The following MROH2A variants were observed in gnomAD, a reference collection of about 807,000 sequenced individuals.
MROH2A encodes maestro heat like repeat family member 2A, also known as maestro heat-like repeat-containing protein family member 2A.
MROH2A carries 174 observed loss-of-function variants against 200.4 expected under a neutral mutation model. The observed-to-expected ratio is 0.87, with a 90% CI of 0.77 to 0.98. The LOEUF (loss-of-function observed/expected upper bound fraction) is 0.98, where lower values mean the gene tolerates loss of function less well. Ranked by LOEUF, MROH2A falls within the 50% of genes least tolerant of loss-of-function variation. The probability of loss-of-function intolerance (pLI) is 0.00; values close to 1 mark genes in which losing one functional copy is unlikely to be tolerated. For missense variants in MROH2A, 2,045 were observed against 2,139.6 expected, an observed-to-expected ratio of 0.96 and a Z score of 0.87; for synonymous variants, 829 against 840.4, an observed-to-expected ratio of 0.99 and a Z score of 0.23.
chr2:233,789,836 C>G lies in MROH2A; in HGVS notation c.409-16C>G. On this transcript the variant is annotated splice_polypyrimidine_tract_variant and intron_variant, in intron 4 of 41. Coordinates refer to ENST00000389758, the MANE Select transcript of MROH2A (RefSeq NM_001394639.1). ...GCTGGTGGTGGTGCCATATGTCCCT[C>G]TTCTGTCTCCTGCAGATGGAGGGCT... The G allele has an allele frequency of 6.5e-7, 1 of 1,545,638 alleles. No homozygotes were observed. Among genetic ancestry groups the G allele is most frequent in the Non-Finnish European group, 8.7e-7 (1 of 1,144,274 alleles).
intron 12 of MROH2A, 58 bp from the exon 13 acceptor site, chr2:233,799,722 A>ATTGGGTGCC: frequency 6.5e-7 from 1 of 1,545,748 alleles, no homozygotes. Flanking sequence ...ATGTCACAGG[A>ATTGGGTGCC]TTGGGTGCCT....
At chr2:233,788,004 T>TAC (rs1423746488) in intron 3 of MROH2A, among the ~76,000 whole-genome samples, 1 of 71,696 alleles carries the variant, frequency 1.4e-5, no homozygotes, top group Non-Finnish European at 2.4e-5. Flanking sequence ...ATTATATATA[T>TAC]ACATATATAT....
chr2:233,811,434 T>G (rs1194501490), intron 23 of MROH2A, among the ~76,000 whole-genome samples: 1 of 152,170 alleles, frequency 6.6e-6, no homozygotes. Context: ...CAAAGCTGCT[T>G]GGGTTGTGCT....
rs1353737773 is a variant in MROH2A at position 233,832,393 on chromosome 2, A to G, written c.4837+114A>G. 6 of 1,014,216 alleles carry G rather than the reference A, an allele frequency of 5.9e-6. No homozygotes were observed. The Admixed American group carries it at 6.3e-5, about 11-fold the overall frequency. 62.8% of individuals were successfully genotyped at this position (1,014,216 alleles called of 1,614,324 possible). ...GGGAGGCATGTGGCAAGCTGAGACC[A>G]GAGCTCAGGTCTAAGCCCTGCACTG... On this transcript the variant is annotated intron_variant, in intron 40 of 41. Coordinates refer to ENST00000389758, the MANE Select transcript of MROH2A (RefSeq NM_001394639.1).
chr2:233,816,849 T>C lies in MROH2A; in HGVS notation c.2925T>C (p.Tyr975=). ...EREKAVSLHL[Y]LMWIYVHSTA... ...AAAAGGCCGTGAGCCTCCATCTCTA[T>C]CTCATGTGGATTTATGTCCACAGCA... is the stretch of plus-strand genomic sequence containing the variant. The change falls in exon 27 of 42, where the codon TAT becomes TAC. Residue 975 remains tyrosine, a synonymous_variant. Transcript: ENST00000389758. 1 of 1,550,252 alleles carries C rather than the reference T, an allele frequency of 6.5e-7. No individual in the cohort carries two copies. The highest frequency in any genetic ancestry group is 1.2e-5 in the South Asian group (1 of 84,056).
At chr2:233,790,405 A>C (rs13397354) in intron 5 of MROH2A, among the ~76,000 whole-genome samples, 8,726 of 35,564 alleles carry the variant, frequency 0.25, 414 homozygotes, top group Middle Eastern at 0.28. Flanking sequence ...CCTCCATCCC[A>C]CCCTTCCTTC....
At position 233,807,622 on chromosome 2, in the gene MROH2A, C is replaced by A. The variant is rs572166268; in HGVS notation, c.2172+80C>A. 23 of 1,539,894 alleles carry A rather than the reference C, an allele frequency of 1.5e-5. No individual in the cohort carries two copies. The African/African-American group carries it at 2.4e-4, about 16-fold the overall frequency. On this transcript the variant is annotated intron_variant, in intron 20 of 41. Transcript: ENST00000389758. This position sits in a 1 kb window ranked among gnomAD's most constrained non-coding sequence, Gnocchi z 4.3. Reference sequence around the variant, plus strand: ...ACATGTGTGTTCATGTGGCTGCATGCGTTTTGTGTGTGTGTGTGTACATGT... The same window carrying A: ...ACATGTGTGTTCATGTGGCTGCATGAGTTTTGTGTGTGTGTGTGTACATGT...
intron 5 of MROH2A, 45 bp downstream of exon 5, chr2:233,790,059 G>A: frequency 1.3e-6 from 2 of 1,486,718 alleles, no homozygotes; most frequent in Non-Finnish European, 1.8e-6. Flanking sequence ...TGCCCTTCTG[G>A]TCTCTGCCTC....
Position 233,781,960 on chromosome 2 carries a change from C to A in MROH2A, c.276+2108C>A, listed in dbSNP as rs192478310. ...GCATATGGTTATCCAGTTTTCCCAG[C>A]ACCATTTATTGAAGAGACTGTCCTT... On this transcript the variant is annotated intron_variant, in intron 3 of 41. Coordinates refer to ENST00000389758, the MANE Select transcript of MROH2A (RefSeq NM_001394639.1). Among the ~76,000 whole-genome samples, 27 of 152,282 alleles carry A rather than the reference C, an allele frequency of 1.8e-4. No individual in the cohort carries two copies. The East Asian group carries it at 4.0e-3, about 23-fold the overall frequency.
chr2:233,794,863 T>C (rs1182880164), intron 8 of MROH2A, among the ~76,000 whole-genome samples: 3 of 151,984 alleles, frequency 2.0e-5, no homozygotes, highest in African/African-American at 7.3e-5. Flanking sequence ...GAGTCCAAAC[T>C]CAGGGTGTCG....
chr2:233,784,554 G>A (rs28813202), intron 3 of MROH2A, among the ~76,000 whole-genome samples: 2 of 152,122 alleles, frequency 1.3e-5, no homozygotes, highest in Non-Finnish European at 2.9e-5. Flanking sequence ...GAGGTGTTCG[G>A]GTCATGGGGG....
rs549491122 is a variant in MROH2A at position 233,794,872 on chromosome 2, C to T, written c.966+366C>T. On this transcript the variant is annotated intron_variant, in intron 8 of 41. Coordinates refer to ENST00000389758, the MANE Select transcript of MROH2A (RefSeq NM_001394639.1). The stretch of plus-strand genomic sequence containing the variant: ...GGTCAGGAGTCCAAACTCAGGGTGT[C>T]GGCAGGGCTGTGCTCCTTCTGAAGG... Among the ~76,000 whole-genome samples the T allele has an allele frequency of 3.3e-5, 5 of 152,032 alleles. No homozygotes were observed. In the South Asian group the frequency reaches 8.3e-4, roughly 25 times the overall value.
intron 35 of MROH2A, among the ~76,000 whole-genome samples, chr2:233,827,395 A>C (rs931270912): frequency 1.3e-5 from 2 of 152,256 alleles, no homozygotes; most frequent in Admixed American, 1.3e-4. Context: ...GCAGCCATAA[A>C]AAGGAATGAG....
chr2:233,802,371 C>A, intron 15 of MROH2A, 56 bp downstream of exon 15: 1 of 1,503,742 alleles, frequency 6.7e-7, no homozygotes, highest in South Asian at 1.3e-5. Context: ...GGCTCCTTGT[C>A]TGGGAATGCC....
rs572417062 is a variant in MROH2A, at chr2:233,818,052, G to A, written c.3012G>A (p.Pro1004=). 41 of 1,550,982 alleles carry A rather than the reference G, an allele frequency of 2.6e-5. 1 individual carries two copies. Among genetic ancestry groups the A allele is most frequent in the Middle Eastern group, 1.7e-4 (1 of 5,994 alleles). ...QFGTMVGLIA[P]CTCDAHQRTR... Reference sequence around the variant, plus strand: ...GCACAATGGTCGGACTCATTGCCCCGTGCACCTGTGATGCCCATCAAAGAA... The same window carrying A: ...GCACAATGGTCGGACTCATTGCCCCATGCACCTGTGATGCCCATCAAAGAA... Residue 1004 remains proline (P), a synonymous_variant, in exon 28 of 42, where the codon CCG becomes CCA. Transcript: ENST00000389758.
Position 233,800,320 on chromosome 2 carries a change from G to C in MROH2A, c.1560+5G>C. 1 of 1,533,566 alleles carries C rather than the reference G, an allele frequency of 6.5e-7. No individual in the cohort carries two copies. Among genetic ancestry groups the C allele is most frequent in the Non-Finnish European group, 8.8e-7 (1 of 1,134,466 alleles). The allele number at this position is 1,533,566 out of a possible 1,614,324, so 95.0% of individuals were successfully genotyped here. ...TCTGTCAGTGGGATGACCACCGTGA[G>C]TGGGCCCTGCCCCACCCGCACAGTG... On this transcript the variant is annotated splice_donor_5th_base_variant and intron_variant, in intron 14 of 41. Coordinates refer to ENST00000389758, the MANE Select transcript of MROH2A (RefSeq NM_001394639.1).
Position 233,809,244 on chromosome 2 carries a change from C to A in MROH2A, c.2414C>A (p.Ala805Asp). 1 of 1,550,566 alleles carries A rather than the reference C, an allele frequency of 6.4e-7. No individual in the cohort carries two copies. The highest frequency in any genetic ancestry group is 2.4e-5 in the East Asian group (1 of 40,922). Residue 805 changes from alanine (A) to aspartate (D), a missense_variant, in exon 22 of 42, where the codon GCT (alanine) becomes GAT (aspartate). Transcript: ENST00000389758. Reference protein sequence around the residue: ...LLNLVDSPITAKIIHHYVSSC... With the variant: ...LLNLVDSPITDKIIHHYVSSC... ...AACCTCGTGGACAGCCCCATCACCG[C>A]TAAGATCATTCACCATTATGTCAGC...
intron 34 of MROH2A, 61 bp from the exon 35 acceptor site, chr2:233,823,495 T>C (rs905176277): frequency 6.6e-7 from 1 of 1,521,616 alleles, no homozygotes; most frequent in Non-Finnish European, 8.9e-7. Context: ...GCCCAGCTCT[T>C]GGCAAACGTC....
intron 3 of MROH2A, among the ~76,000 whole-genome samples, chr2:233,783,543 G>GTATTTATT (rs35025179): frequency 1.6e-4 from 24 of 151,606 alleles, no homozygotes; most frequent in Non-Finnish European, 2.9e-4. Context: ...ATAATTCTTT[G>GTATTTATT]TATTTATTTA....
Sources: gnomAD v4.1 joint callset for allele counts (sites outside exome capture counted in the v4.1 genomes callset) on GRCh38, gnomAD v4.1.1 for gene constraint, Gnocchi (gnomAD v3.1) non-coding constraint, MANE v1.5 for transcripts, NCBI Gene and HGNC (gene_info 2026-07-23, HGNC 2026-07-21) for gene names.